LRRTM4: variants seen among roughly 807,000 people sequenced by gnomAD.
LRRTM4 encodes leucine-rich repeat transmembrane neuronal protein 4.
Under a neutral mutation model 47.6 loss-of-function variants are expected in LRRTM4, and 25 were observed. The ratio of observed to expected loss-of-function variants is 0.53; its 90% CI spans 0.38 to 0.73. The LOEUF (loss-of-function observed/expected upper bound fraction) is 0.73. LRRTM4 is among the 30% of genes least tolerant of loss of function. The probability of loss-of-function intolerance (pLI) is 0.00; values close to 1 mark genes in which losing one functional copy is unlikely to be tolerated. For missense variants in LRRTM4, 638 were observed against 713.4 expected (o/e 0.89, Z 1.20); for synonymous variants, 311 against 269.5 (o/e 1.15, Z -1.51).
At chr2:77,378,220 A>C (rs1356937426) in intron 3 of LRRTM4, among the ~76,000 whole-genome samples, 1 of 151,946 alleles carries the variant, frequency 6.6e-6, no homozygotes, top group African/African-American at 2.4e-5. Flanking sequence ...CTAAATTACA[A>C]ATTCTGGGGT....
intron 3 of LRRTM4, among the ~76,000 whole-genome samples, chr2:77,031,717 ATC>A (rs1328031174): frequency 7.0e-6 from 1 of 141,884 alleles, no homozygotes; most frequent in Non-Finnish European, 1.6e-5. Context: ...ACACCATGTG[ATC>A]TCTAACTATA....
intron 3 of LRRTM4, among the ~76,000 whole-genome samples, chr2:77,404,789 G>A (rs1266248566): frequency 6.6e-6 from 1 of 152,074 alleles, no homozygotes; most frequent in African/African-American, 2.4e-5. Context: ...TATTTGATCC[G>A]CCTATATCAC....
intron 3 of LRRTM4, among the ~76,000 whole-genome samples, chr2:76,905,792 GAGAAAAA>G (rs1191862336): frequency 2.0e-5 from 3 of 151,892 alleles, no homozygotes; most frequent in Non-Finnish European, 2.9e-5. Flanking sequence ...GGCAAGTTTA[GAGAAAAA>G]AGAAAAAAAA....
intron 3 of LRRTM4, among the ~76,000 whole-genome samples, chr2:77,410,053 T>C (rs72811210): frequency 0.036 from 5,430 of 152,294 alleles, 140 homozygotes; most frequent in Non-Finnish European, 0.058. Context: ...TCTTTATATA[T>C]ATATAATGAT....
chr2:76,991,400 G>C (rs1399710380), intron 3 of LRRTM4, among the ~76,000 whole-genome samples: 1 of 151,512 alleles, frequency 6.6e-6, no homozygotes, highest in Non-Finnish European at 1.5e-5. Flanking sequence ...CCACTAGCTA[G>C]ACTAACAAAG....
At chr2:77,090,559 C>T (rs1251048291) in intron 3 of LRRTM4, among the ~76,000 whole-genome samples, 1 of 152,080 alleles carries the variant, frequency 6.6e-6, no homozygotes, top group Non-Finnish European at 1.5e-5. Context: ...TGAGACAAAC[C>T]CCAGCCACAT....
At chr2:77,501,063 G>T (rs1678554128) in intron 3 of LRRTM4, among the ~76,000 whole-genome samples, 1 of 150,876 alleles carries the variant, frequency 6.6e-6, no homozygotes. Flanking sequence ...TTCCGGAGAG[G>T]ATAAAAGGCA....
intron 3 of LRRTM4, among the ~76,000 whole-genome samples, chr2:77,505,085 T>C (rs1485478653): frequency 6.6e-6 from 1 of 151,252 alleles, no homozygotes; most frequent in Non-Finnish European, 1.5e-5. Flanking sequence ...AAGATCTCTT[T>C]TTATTTAAGA....
intron 3 of LRRTM4, among the ~76,000 whole-genome samples, chr2:77,088,651 G>C (rs752372493): frequency 2.8e-4 from 42 of 152,268 alleles, no homozygotes; most frequent in Non-Finnish European, 3.2e-4. Context: ...CTGTTTGGTG[G>C]TCTCTTCACA....
chr2:77,438,237 GATTGTATAA>G (rs1160082119), intron 3 of LRRTM4, among the ~76,000 whole-genome samples: 3 of 151,946 alleles, frequency 2.0e-5, no homozygotes, highest in Non-Finnish European at 4.4e-5. Flanking sequence ...TCTTGATATT[GATTGTATAA>G]CACAGAAATT....
intron 3 of LRRTM4, among the ~76,000 whole-genome samples, chr2:77,500,360 T>G (rs1678525920): frequency 6.6e-6 from 1 of 151,798 alleles, no homozygotes. Flanking sequence ...TATTATTTAT[T>G]AAGCTAAAAA....
chr2:76,880,647 C>CA (rs1229367033), intron 3 of LRRTM4, among the ~76,000 whole-genome samples: 6 of 152,026 alleles, frequency 3.9e-5, no homozygotes, highest in African/African-American at 1.2e-4. Context: ...AACCAAAACA[C>CA]AAAAAACCTC....
chr2:77,063,522 T>C (rs1055181293), intron 3 of LRRTM4, among the ~76,000 whole-genome samples: 4 of 152,198 alleles, frequency 2.6e-5, no homozygotes, highest in Non-Finnish European at 2.9e-5. Context: ...TTTTTAATGA[T>C]ATCAATTGTT....
chr2:77,319,610 A>G (rs376282613), intron 3 of LRRTM4, among the ~76,000 whole-genome samples: 1 of 152,190 alleles, frequency 6.6e-6, no homozygotes, highest in South Asian at 2.1e-4. Flanking sequence ...TTGTAAAATA[A>G]GGCAATATGG....
At chr2:77,505,719 T>C (rs1341490121) in intron 3 of LRRTM4, among the ~76,000 whole-genome samples, 3 of 151,658 alleles carry the variant, frequency 2.0e-5, no homozygotes, top group African/African-American at 4.8e-5. Context: ...TATTGATGCC[T>C]ATAAATATGG....
At chr2:76,911,136 A>G (rs1674039857) in intron 3 of LRRTM4, among the ~76,000 whole-genome samples, 1 of 152,204 alleles carries the variant, frequency 6.6e-6, no homozygotes, top group Non-Finnish European at 1.5e-5. Flanking sequence ...ATAATTACTC[A>G]TTTAGTCATA....
At chr2:76,954,894 G>A (rs1310381850) in intron 3 of LRRTM4, among the ~76,000 whole-genome samples, 2 of 151,576 alleles carry the variant, frequency 1.3e-5, no homozygotes, top group Non-Finnish European at 3.0e-5. Context: ...GACTTGGTAT[G>A]ATATAGTAAA....
chr2:77,493,196 C>A (rs1218730733), intron 3 of LRRTM4, among the ~76,000 whole-genome samples: 3 of 151,622 alleles, frequency 2.0e-5, no homozygotes, highest in Admixed American at 6.6e-5. Flanking sequence ...CATTATGCAA[C>A]AAGAAAGGAA....
At chr2:76,883,860 G>C (rs1672996908) in intron 3 of LRRTM4, among the ~76,000 whole-genome samples, 1 of 152,068 alleles carries the variant, frequency 6.6e-6, no homozygotes, top group South Asian at 2.1e-4. Flanking sequence ...TCAAGATTTG[G>C]ATATTTTATT....
Sources: gnomAD v4.1 joint callset for allele counts (sites outside exome capture counted in the v4.1 genomes callset) on GRCh38, gnomAD v4.1.1 for gene constraint, MANE v1.5 for transcripts, NCBI Gene and HGNC (gene_info 2026-07-23, HGNC 2026-07-21) for gene names.